Variants in SPG7 observed in about 807,000 individuals in gnomAD.
The protein encoded by SPG7 is mitochondrial inner membrane m-AAA protease component paraplegin.
A neutral mutation model predicts 81.9 loss-of-function variants in SPG7; 103 were observed. The ratio of observed to expected loss-of-function variants is 1.26; its 90% CI spans 1.07 to 1.48. The LOEUF is 1.48. Ranked by LOEUF, SPG7 falls within the 40% of genes most tolerant of loss-of-function variation. SPG7 has a pLI of 0.00. For synonymous variants in SPG7, 534 were observed against 444.2 expected (o/e 1.20, Z -2.54); for missense variants, 1,241 against 1,087.3 (o/e 1.14, Z -1.99).
rs144355979 is a variant in SPG7, at chr16:89,540,849, C to T, written c.1325-3799C>T. The T allele has an allele frequency of 6.9e-4, 661 of 957,006 alleles. 2 individuals are homozygous for T. The African/African-American group carries it at 0.01, about 15-fold the overall frequency. 59.3% of individuals were successfully genotyped at this position (957,006 alleles called of 1,614,324 possible). On this transcript the variant is annotated intron_variant, in intron 9 of 16. Transcript: ENST00000645818. ...CTTAGGCTCACACGAAATGCCTGGG[C>T]GCCGACGCTCATTTACCTGTAATAG...
At chr16:89,530,129 G>T in intron 6 of SPG7, 1 of 262,472 alleles carries the variant, frequency 3.8e-6, no homozygotes, top group Non-Finnish European at 7.3e-6. Context: ...ATGAGCCACT[G>T]CACCTGGCCT....
In SPG7 at chr16:89,550,558, G is replaced by A. The variant is rs369686424; in HGVS notation, c.1728G>A (p.Ser576=). The A allele has an allele frequency of 7.7e-5, 125 of 1,614,006 alleles. No individual in the cohort carries two copies. Among genetic ancestry groups the A allele is most frequent in the Middle Eastern group, 4.9e-4 (3 of 6,062 alleles). The change falls in exon 13 of 17, where the codon TCG becomes TCA. Residue 576 remains serine, a synonymous_variant. Coordinates refer to ENST00000645818, the MANE Select transcript of SPG7 (RefSeq NM_003119.4). Reference sequence around the variant, plus strand: ...AGAAAGTGGTTGCGTTTCATGAGTCGGGCCACGCCTTGGTGGGCTGGATGC... The same window carrying A: ...AGAAAGTGGTTGCGTTTCATGAGTCAGGCCACGCCTTGGTGGGCTGGATGC... The part of the protein sequence containing the change: ...EEQKVVAFHE[S]GHALVGWMLE...
intron 9 of SPG7, chr16:89,537,720 G>T (rs1467393997): frequency 1.0e-6 from 1 of 985,282 alleles, no homozygotes; most frequent in African/African-American, 1.7e-5. Context: ...ATCAGCATGT[G>T]AGCTTGGCAG....
intron 3 of SPG7, chr16:89,514,550 GAGTGC>G (rs1211516705): frequency 1.3e-5 from 2 of 152,122 alleles, no homozygotes; most frequent in East Asian, 3.9e-4. Context: ...GCCCAGGCTG[GAGTGC>G]AGTGGCACAA....
chr16:89,512,709 A>G (rs1402657347), intron 2 of SPG7, among the ~76,000 whole-genome samples: 1 of 152,250 alleles, frequency 6.6e-6, no homozygotes, highest in East Asian at 1.9e-4. Flanking sequence ...CACATTAGCA[A>G]TTTAAGTAGC....
chr16:89,527,858 G>T (rs2058284588), intron 5 of SPG7, among the ~76,000 whole-genome samples: 1 of 152,122 alleles, frequency 6.6e-6, no homozygotes, highest in Admixed American at 6.5e-5. Context: ...ACTTTGGAAG[G>T]CTGAGGCAGG....
At chr16:89,520,841 G>A (rs905681590) in intron 3 of SPG7, 2 of 152,172 alleles carry the variant, frequency 1.3e-5, no homozygotes, top group African/African-American at 4.8e-5. Flanking sequence ...CATTGCGTCC[G>A]GCTGGAATTT....
chr16:89,553,965 G>A lies in SPG7; in HGVS notation c.2103+5G>A, dbSNP rs1171145455. On this transcript the variant is annotated splice_donor_5th_base_variant and intron_variant, in intron 15 of 16. Coordinates refer to ENST00000645818, the MANE Select transcript of SPG7 (RefSeq NM_003119.4). ...CTGCAGCAGATGATGGACCATGTGA[G>A]TCGGCTCTGGCCACACCGCTGCCCT... 1.9e-6 allele frequency: 3 copies of A among 1,610,172 alleles called. No homozygotes were observed. The East Asian group carries it at 6.7e-5, about 36-fold the overall frequency.
At chr16:89,540,780 C>G (rs1158776152) in intron 9 of SPG7, 1 of 525,708 alleles carries the variant, frequency 1.9e-6, no homozygotes, top group African/African-American at 2.1e-5. Flanking sequence ...CACCACATGA[C>G]CCCGCATCCA....
At chr16:89,553,194 T>G (rs979673644) in intron 14 of SPG7, 59 bp downstream of exon 14, 17 of 1,510,284 alleles carry the variant, frequency 1.1e-5, no homozygotes, top group South Asian at 7.2e-5. Context: ...GCATGACTCC[T>G]TCTGTTCCAG....
chr16:89,546,736 G>A lies in SPG7; in HGVS notation c.1528G>A (p.Ala510Thr), dbSNP rs1348414729. 5 of 1,612,556 alleles carry A rather than the reference G, an allele frequency of 3.1e-6. No individual in the cohort carries two copies. Among genetic ancestry groups the A allele is most frequent in the Admixed American group, 3.3e-5 (2 of 59,998 alleles). The part of the protein sequence containing the change: ...QSSTFYSQRL[A>T]ELTPGFSGAD... ...CAGCACCTTTTACTCCCAGCGTCTG[G>A]CAGAGCTGACACCAGGATTCAGTGG... is the stretch of plus-strand genomic sequence containing the variant. Residue 510 changes from alanine to threonine, a missense_variant, in exon 11 of 17, where the codon GCA becomes ACA. Physicochemically the swap from Ala to Thr is moderately conservative, Grantham distance 58. Coordinates refer to ENST00000645818, the MANE Select transcript of SPG7 (RefSeq NM_003119.4).
At chr16:89,533,295 G>A (rs1386870045) in intron 9 of SPG7, 2 of 152,476 alleles carry the variant, frequency 1.3e-5, no homozygotes, top group East Asian at 3.9e-4. Context: ...AGCCTCTCGA[G>A]TAGCTGAGAC....
intron 9 of SPG7, chr16:89,543,869 G>A (rs2058531318): frequency 6.7e-6 from 1 of 150,194 alleles, no homozygotes; most frequent in South Asian, 2.1e-4. Context: ...GTCTTCTCTT[G>A]GACTCCTGGC....
At chr16:89,548,393 A>C in intron 12 of SPG7, 2 of 415,314 alleles carry the variant, frequency 4.8e-6, no homozygotes, top group Non-Finnish European at 8.8e-6. Context: ...CCCCCCAAAA[A>C]TAAAAATAAT....
At chr16:89,552,774 G>A (rs1306232229) in intron 13 of SPG7, 7 of 617,468 alleles carry the variant, frequency 1.1e-5, no homozygotes, top group Non-Finnish European at 1.8e-5. Context: ...CCGGCAGTGT[G>A]TGAACAGGCA....
chr16:89,554,395 C>A, intron 15 of SPG7, 91 bp from the exon 16 acceptor site: 1 of 854,844 alleles, frequency 1.2e-6, no homozygotes, highest in Non-Finnish European at 1.9e-6. Context: ...AGGGGAAAGG[C>A]CGTGTTCCCA....
At chr16:89,532,716 G>A in intron 9 of SPG7, 80 bp downstream of exon 9, 1 of 1,557,258 alleles carries the variant, frequency 6.4e-7, no homozygotes. Flanking sequence ...GTTGTGGTGA[G>A]CCAAGATCGT....
At chr16:89,536,649 G>T in intron 9 of SPG7, 6 of 1,285,216 alleles carry the variant, frequency 4.7e-6, no homozygotes, top group Non-Finnish European at 6.6e-6. Context: ...GGCGAGGTGG[G>T]CGAGGCAGGC....
chr16:89,557,189 C>A lies in SPG7; in HGVS notation c.*96C>A. ...TTCAGCTGAGGTTTGCACTTCCTCT[C>A]GCGGCCCTCAGTAGTCCCTGCACAG... On this transcript the variant is annotated 3_prime_UTR_variant, in exon 17 of 17. Coordinates refer to ENST00000645818, the MANE Select transcript of SPG7 (RefSeq NM_003119.4). 1 of 841,684 alleles carries A rather than the reference C, an allele frequency of 1.2e-6. No individual in the cohort carries two copies. Among genetic ancestry groups the A allele is most frequent in the South Asian group, 1.4e-5 (1 of 69,510 alleles). The allele number at this position is 841,684 out of a possible 1,614,324, so 52.1% of individuals were successfully genotyped here.
Sources: allele counts gnomAD v4.1 joint callset (sites outside exome capture counted in the v4.1 genomes callset), GRCh38; gene constraint gnomAD v4.1.1; transcripts MANE v1.5; gene names NCBI Gene and HGNC (gene_info 2026-07-23, HGNC 2026-07-21).